AMPH: variants seen among roughly 807,000 people sequenced by gnomAD.
AMPH encodes amphiphysin.
Under a neutral mutation model 99.1 loss-of-function variants are expected in AMPH, and 49 were observed. The ratio of observed to expected loss-of-function variants is 0.49; its 90% CI spans 0.39 to 0.63. AMPH has a LOEUF of 0.63. Ranked by LOEUF, AMPH falls within the 20% of genes least tolerant of loss-of-function variation. The probability of loss-of-function intolerance (pLI) is 0.00; values close to 1 mark genes in which losing one functional copy is unlikely to be tolerated. For missense variants in AMPH, 759 were observed against 863.4 expected, an observed-to-expected ratio of 0.88 and a Z score of 1.52; for synonymous variants, 314 against 317.3, an observed-to-expected ratio of 0.99 and a Z score of 0.11.
intron 1 of AMPH, among the ~76,000 whole-genome samples, chr7:38,586,273 C>T (rs1255941529): frequency 1.3e-5 from 2 of 152,174 alleles, no homozygotes; most frequent in African/African-American, 4.8e-5. Context: ...CCCTTATCAA[C>T]ATTCTGCCAT....
chr7:38,629,359 T>C (rs1794374232), intron 1 of AMPH, among the ~76,000 whole-genome samples: 1 of 152,122 alleles, frequency 6.6e-6, no homozygotes, highest in Non-Finnish European at 1.5e-5. Flanking sequence ...GCAGGCACTT[T>C]TCATCAGCAC....
chr7:38,403,397 G>A (rs1231093511), intron 17 of AMPH, among the ~76,000 whole-genome samples: 1 of 152,202 alleles, frequency 6.6e-6, no homozygotes, highest in Non-Finnish European at 1.5e-5. Context: ...GGCAATCTGA[G>A]AACTTCCTGA....
intron 7 of AMPH, 107 bp from the exon 8 acceptor site, chr7:38,466,355 C>T: frequency 1.2e-6 from 1 of 854,216 alleles, no homozygotes. Context: ...TCTTTTACAC[C>T]ATTTTGAATA....
At chr7:38,447,040 A>G (rs1361806206) in intron 11 of AMPH, among the ~76,000 whole-genome samples, 3 of 150,700 alleles carry the variant, frequency 2.0e-5, no homozygotes, top group Non-Finnish European at 2.9e-5. Context: ...TTTGTTTGAG[A>G]CGGAGTTTCA....
At chr7:38,525,470 G>C (rs1790150543) in intron 2 of AMPH, among the ~76,000 whole-genome samples, 1 of 151,394 alleles carries the variant, frequency 6.6e-6, no homozygotes, top group Non-Finnish European at 1.5e-5. Context: ...GTGTGTGTGT[G>C]TGTGTGTGTG....
At chr7:38,582,553 G>A (rs1211647569) in intron 1 of AMPH, among the ~76,000 whole-genome samples, 1 of 152,168 alleles carries the variant, frequency 6.6e-6, no homozygotes, top group Non-Finnish European at 1.5e-5. Flanking sequence ...ATCCTGTACT[G>A]ACAGCTAATG....
chr7:38,430,945 A>G (rs1216972158), intron 13 of AMPH, among the ~76,000 whole-genome samples: 2 of 152,258 alleles, frequency 1.3e-5, no homozygotes, highest in Admixed American at 6.5e-5. Flanking sequence ...GGCATTGCCC[A>G]TGAATAGCTA....
chr7:38,585,598 A>G (rs1038764278), intron 1 of AMPH, among the ~76,000 whole-genome samples: 1 of 152,214 alleles, frequency 6.6e-6, no homozygotes, highest in Non-Finnish European at 1.5e-5. Flanking sequence ...AAAGTGCTTT[A>G]TACTAGGTTC....
At chr7:38,621,500 G>A (rs1794060999) in intron 1 of AMPH, among the ~76,000 whole-genome samples, 1 of 152,100 alleles carries the variant, frequency 6.6e-6, no homozygotes, top group African/African-American at 2.4e-5. Context: ...TAAAGCATAT[G>A]AATTTAACAT....
intron 1 of AMPH, among the ~76,000 whole-genome samples, chr7:38,610,258 A>G (rs1371496988): frequency 0.011 from 362 of 33,852 alleles, 20 homozygotes; most frequent in Non-Finnish European, 0.016. Flanking sequence ...AAAAAAAAAA[A>G]AAAAAGAAAG....
chr7:38,618,679 C>T (rs1199305926), intron 1 of AMPH, among the ~76,000 whole-genome samples: 1 of 151,724 alleles, frequency 6.6e-6, no homozygotes, highest in Non-Finnish European at 1.5e-5. Flanking sequence ...TTAATCTGAC[C>T]TCTATTGTGA....
At chr7:38,441,875 T>C (rs1031348900) in intron 11 of AMPH, among the ~76,000 whole-genome samples, 9 of 133,766 alleles carry the variant, frequency 6.7e-5, no homozygotes, top group Non-Finnish European at 1.2e-4. Flanking sequence ...ATATCATATA[T>C]ATATCATATA....
intron 16 of AMPH, 67 bp downstream of exon 16, chr7:38,422,354 T>C (rs1158881414): frequency 7.5e-7 from 1 of 1,325,136 alleles, no homozygotes; most frequent in Non-Finnish European, 1.1e-6. Flanking sequence ...CAGCCTAGAA[T>C]GATCAGCTTT....
chr7:38,429,784 T>C (rs1785932668), intron 14 of AMPH, 58 bp downstream of exon 14: 6 of 1,497,296 alleles, frequency 4.0e-6, no homozygotes, highest in Non-Finnish European at 5.5e-6. Flanking sequence ...AAATATACTA[T>C]GTATGTAATG....
intron 5 of AMPH, among the ~76,000 whole-genome samples, chr7:38,480,390 G>T (rs944610699): frequency 2.6e-5 from 4 of 151,996 alleles, no homozygotes; most frequent in African/African-American, 9.7e-5. Context: ...TTTGCACCAC[G>T]GGTTCTTTGC....
chr7:38,474,302 T>TG (rs1315975331), intron 7 of AMPH, among the ~76,000 whole-genome samples: 3 of 151,482 alleles, frequency 2.0e-5, no homozygotes, highest in African/African-American at 7.3e-5. Context: ...GAAATGCAGA[T>TG]GTAGAGAGAA....
chr7:38,407,292 T>G (rs769159294), intron 17 of AMPH, among the ~76,000 whole-genome samples: 10 of 118,122 alleles, frequency 8.5e-5, no homozygotes, highest in South Asian at 6.7e-4. Context: ...TCTATCTATA[T>G]AGAGAGAGAG....
intron 7 of AMPH, among the ~76,000 whole-genome samples, chr7:38,472,123 G>C (rs1022442432): frequency 1.3e-5 from 2 of 152,082 alleles, no homozygotes; most frequent in Admixed American, 1.3e-4. Context: ...GGCATATATA[G>C]AACATTCCAC....
chr7:38,577,586 AT>A (rs1443105417), intron 1 of AMPH, among the ~76,000 whole-genome samples: 1 of 152,148 alleles, frequency 6.6e-6, no homozygotes, highest in Non-Finnish European at 1.5e-5. Flanking sequence ...ATAGTGTCTC[AT>A]ACACCACAGA....
Sources: gnomAD v4.1 joint callset for allele counts (sites outside exome capture counted in the v4.1 genomes callset) on GRCh38, gnomAD v4.1.1 for gene constraint, MANE v1.5 for transcripts, NCBI Gene and HGNC (gene_info 2026-07-23, HGNC 2026-07-21) for gene names.